The following LAMB4 variants were observed in gnomAD, a reference collection of about 807,000 sequenced individuals.
LAMB4 encodes laminin subunit beta 4, also known as laminin subunit beta-4.
In LAMB4, 196 loss-of-function variants were observed where a neutral mutation model predicts 199.2. That is an observed-to-expected ratio of 0.98 (90% confidence interval 0.88 to 1.11). The LOEUF (loss-of-function observed/expected upper bound fraction) is 1.11. Among genes scored for constraint, LAMB4 ranks in the 50% least tolerant of loss-of-function variants. The pLI, the probability that LAMB4 is intolerant of heterozygous loss-of-function variation, is 0.00. For synonymous variants in LAMB4, 744 were observed against 770.6 expected (o/e 0.97, Z 0.57); for missense variants, 2,080 against 2,171.2 (o/e 0.96, Z 0.83).
rs2036400856 is a variant in LAMB4 at position 108,068,001 on chromosome 7, T to C, written c.2446+15A>G. Reference sequence around the variant, plus strand: ...CTGTGAGCAAGTGTTTCCCCTTGTGTGTTTTGCTACGTACGGTGACAGCCG... The same window carrying C: ...CTGTGAGCAAGTGTTTCCCCTTGTGCGTTTTGCTACGTACGGTGACAGCCG... On this transcript the variant is annotated intron_variant, in intron 19 of 33. Transcript: ENST00000388781. 7.4e-6 allele frequency: 12 copies of C among 1,614,154 alleles called. No homozygotes were observed. The East Asian group carries it at 2.7e-4, about 36-fold the overall frequency.
At chr7:108,113,072 T>C (rs1010110120) in intron 3 of LAMB4, among the ~76,000 whole-genome samples, 1 of 152,234 alleles carries the variant, frequency 6.6e-6, no homozygotes, top group Non-Finnish European at 1.5e-5. Flanking sequence ...CTCCTTCCCT[T>C]ATTTCAGGTT....
At chr7:108,018,287 A>G in the LAMB4 span, among the ~76,000 whole-genome samples, 4 of 152,200 alleles carry the variant, frequency 2.6e-5, no homozygotes, top group South Asian at 6.2e-4. Context: ...GCTGATCTAC[A>G]TGGGAACATC....
intron 12 of LAMB4, among the ~76,000 whole-genome samples, chr7:108,093,113 C>T (rs1397088507): frequency 6.6e-6 from 1 of 152,158 alleles, no homozygotes; most frequent in East Asian, 1.9e-4. Context: ...TGTTCTTTTG[C>T]CCACACTGGA....
downstream of LAMB4, among the ~76,000 whole-genome samples, chr7:108,022,697 T>G (rs2150473233): frequency 6.6e-6 from 1 of 152,328 alleles, no homozygotes; most frequent in South Asian, 2.1e-4. Context: ...TTTCTATTCT[T>G]CAGGATCTCT....
chr7:108,118,799 G>A (rs926689870), intron 2 of LAMB4, among the ~76,000 whole-genome samples: 39 of 151,688 alleles, frequency 2.6e-4, no homozygotes, highest in African/African-American at 8.9e-4. Flanking sequence ...AAATTGGACC[G>A]TGTCAAAATT....
chr7:108,115,013 A>C (rs73725341), intron 3 of LAMB4, among the ~76,000 whole-genome samples: 7,079 of 152,250 alleles, frequency 0.046, 493 homozygotes, highest in African/African-American at 0.16. Flanking sequence ...AAAGTTCTAC[A>C]CCTCTTCCAT....
chr7:108,124,310 G>A (rs1267378686), intron 1 of LAMB4, among the ~76,000 whole-genome samples: 1 of 152,144 alleles, frequency 6.6e-6, no homozygotes, highest in East Asian at 1.9e-4. Flanking sequence ...ATTGGTTGAT[G>A]TGTACTTGGT....
rs772090280 is a variant in LAMB4 at position 108,062,909 on chromosome 7, T to G, written c.3147A>C (p.Ala1049=). Residue 1049 remains alanine, a synonymous_variant, in exon 23 of 34, where the codon GCA becomes GCC. Coordinates refer to ENST00000388781, the MANE Select transcript of LAMB4 (RefSeq NM_007356.3). ...CTGTGACATTCGGCAGACAAGGACA[T>G]GCACCAGTGACAGGGTCACAGAGGC... is the stretch of plus-strand genomic sequence containing the variant. The part of the protein sequence containing the change: ...GACLCDPVTG[A]CPCLPNVTGL... 1 of 1,608,936 alleles carries G rather than the reference T, an allele frequency of 6.2e-7. No individual in the cohort carries two copies.
chr7:108,063,966 G>A lies in LAMB4; in HGVS notation c.2856C>T (p.Cys952=). 6.2e-7 allele frequency: 1 copy of A among 1,613,942 alleles called. No individual in the cohort carries two copies. The highest frequency in any genetic ancestry group is 8.5e-7 in the Non-Finnish European group (1 of 1,179,826). ...QGYTGTQCGE[C]STGFYGNPRI... The stretch of plus-strand genomic sequence containing the variant: ...TTGGATTTCCATAGAAACCAGTAGA[G>A]CATTCTCCACACTGAGTACCTGAAA... The change falls in exon 22 of 34, where the codon TGC becomes TGT. Residue 952 remains cysteine (C), a synonymous_variant. Transcript: ENST00000388781.
chr7:108,127,492 C>G (rs930568071), intron 1 of LAMB4, among the ~76,000 whole-genome samples: 5 of 152,126 alleles, frequency 3.3e-5, no homozygotes, highest in African/African-American at 7.2e-5. Context: ...ATAAGATAAC[C>G]AATTCATCCT....
At position 108,076,990 on chromosome 7, in the gene LAMB4, G is replaced by A; in HGVS notation, c.2078C>T (p.Pro693Leu). ...ATGAGCGTGGGACTCTCCTTGCAAAGGCTGAGAAAAATAGACATCTATGGA... is the reference window on the plus strand; with the variant it reads ...ATGAGCGTGGGACTCTCCTTGCAAAAGCTGAGAAAAATAGACATCTATGGA... ...QYSIDVYFSQ[P>L]LQGESHAHSH... The change falls in exon 17 of 34, where the codon CCT (proline) becomes CTT (leucine). Residue 693 changes from proline to leucine, a missense_variant. Transcript: ENST00000388781. 1 of 1,614,010 alleles carries A rather than the reference G, an allele frequency of 6.2e-7. No homozygotes were observed. Among genetic ancestry groups the A allele is most frequent in the Non-Finnish European group, 8.5e-7 (1 of 1,179,892 alleles).
chr7:108,128,327 A>T (rs928654554), intron 1 of LAMB4, among the ~76,000 whole-genome samples: 3 of 152,134 alleles, frequency 2.0e-5, no homozygotes, highest in Non-Finnish European at 1.5e-5. Flanking sequence ...TACTGAAGTC[A>T]ATAGGGTTCT....
At chr7:108,023,384 G>A (rs1185831580), downstream of LAMB4, among the ~76,000 whole-genome samples, 1 of 152,150 alleles carries the variant, frequency 6.6e-6, no homozygotes, top group Non-Finnish European at 1.5e-5. Flanking sequence ...ATGATTGATA[G>A]TCTTTTAAAA....
intron 2 of LAMB4, among the ~76,000 whole-genome samples, chr7:108,117,186 T>C (rs73725342): frequency 1.3e-5 from 2 of 152,226 alleles, no homozygotes; most frequent in Admixed American, 1.3e-4. Flanking sequence ...ATTACCTATA[T>C]AGTACAGCAT....
At chr7:108,123,303 G>A in intron 1 of LAMB4, 106 bp from the exon 2 acceptor site, 1 of 604,450 alleles carries the variant, frequency 1.7e-6, no homozygotes, top group Non-Finnish European at 2.9e-6. Context: ...TTATGCTTTA[G>A]ACATACGAAA....
At chr7:108,100,553 T>A (rs1165258060) in intron 10 of LAMB4, among the ~76,000 whole-genome samples, 1 of 152,218 alleles carries the variant, frequency 6.6e-6, no homozygotes, top group Admixed American at 6.5e-5. Context: ...GAATGACTTC[T>A]TACTTTCATA....
At chr7:108,107,602 C>T (rs377732954) in intron 6 of LAMB4, 29 bp downstream of exon 6, 1 of 1,506,456 alleles carries the variant, frequency 6.6e-7, no homozygotes. Context: ...TTAATTTATA[C>T]AAAATAAATA....
chr7:108,076,931 C>G lies in LAMB4; in HGVS notation c.2124+13G>C. 6.2e-7 allele frequency: 1 copy of G among 1,613,716 alleles called. No homozygotes were observed. Among genetic ancestry groups the G allele is most frequent in the Non-Finnish European group, 8.5e-7 (1 of 1,179,806 alleles). ...TAGCGAAGAAAGCACCCACAAAACT[C>G]TGTGATACTTACAGAGTCCACCAGG... is the stretch of plus-strand genomic sequence containing the variant. On this transcript the variant is annotated intron_variant, in intron 17 of 33. Coordinates refer to ENST00000388781, the MANE Select transcript of LAMB4 (RefSeq NM_007356.3).
intron 15 of LAMB4, 94 bp downstream of exon 15, chr7:108,079,507 T>G: frequency 9.4e-7 from 1 of 1,066,078 alleles, no homozygotes; most frequent in Non-Finnish European, 1.3e-6. Flanking sequence ...AATCCTTTTC[T>G]GATGAACCTA....
Sources: gnomAD v4.1 joint callset for allele counts (sites outside exome capture counted in the v4.1 genomes callset) on GRCh38, gnomAD v4.1.1 for gene constraint, MANE v1.5 for transcripts, NCBI Gene and HGNC (gene_info 2026-07-23, HGNC 2026-07-21) for gene names.